The following ADAM23 variants were observed in gnomAD, a reference collection of about 807,000 sequenced individuals.
ADAM23 encodes the protein ADAM metallopeptidase domain 23, also known as disintegrin and metalloproteinase domain-containing protein 23.
ADAM23 carries 33 observed loss-of-function variants against 120.1 expected under a neutral mutation model. That is an observed-to-expected ratio of 0.27 (90% CI 0.21 to 0.37). The LOEUF is 0.37. Ranked by LOEUF, ADAM23 falls within the 10% of genes least tolerant of loss-of-function variation. ADAM23 has a pLI of 1.00. For synonymous variants in ADAM23, 367 were observed against 375.2 expected (o/e 0.98, Z 0.25); for missense variants, 862 against 1,058.2 (o/e 0.81, Z 2.57).
intron 2 of ADAM23, among the ~76,000 whole-genome samples, chr2:206,465,107 G>A (rs967479944): frequency 3.3e-5 from 5 of 152,220 alleles, no homozygotes; most frequent in Non-Finnish European, 5.9e-5. Flanking sequence ...GTGCAGTGGT[G>A]TGATCGTTGC....
chr2:206,552,026 GT>G (rs1325295639), intron 9 of ADAM23, among the ~76,000 whole-genome samples: 1 of 151,972 alleles, frequency 6.6e-6, no homozygotes, highest in Non-Finnish European at 1.5e-5. Context: ...CCCCAAGATA[GT>G]TTTTTTATCT....
chr2:206,475,113 A>G (rs145513715), intron 2 of ADAM23, among the ~76,000 whole-genome samples: 8 of 152,304 alleles, frequency 5.3e-5, no homozygotes, highest in African/African-American at 1.9e-4. Context: ...TTTCTTTTCT[A>G]TAAAAGGGTA....
intron 3 of ADAM23, among the ~76,000 whole-genome samples, chr2:206,483,170 A>C (rs1162053376): frequency 6.6e-6 from 1 of 152,216 alleles, no homozygotes; most frequent in Admixed American, 6.5e-5. Context: ...TCTGCAGTTG[A>C]TAAAAATTAT....
Position 206,562,238 on chromosome 2 carries a change from G to A in ADAM23, c.1290G>A (p.Ser430=), listed in dbSNP as rs200321551. The A allele has an allele frequency of 5.6e-6, 9 of 1,613,886 alleles. No individual in the cohort carries two copies. Among genetic ancestry groups the A allele is most frequent in the Admixed American group, 3.3e-5 (2 of 60,010 alleles). Residue 430 remains serine (S), a synonymous_variant, in exon 13 of 26, where the codon TCG becomes TCA. Transcript: ENST00000264377. The stretch of plus-strand genomic sequence containing the variant: ...CAATGGCAGTGGCACAAGTATTATC[G>A]CAGAGCCTGGCTCAAAACCTTGGAA... ...GLPMAVAQVL[S]QSLAQNLGIQ...
intron 2 of ADAM23, among the ~76,000 whole-genome samples, chr2:206,458,247 G>A (rs1401574329): frequency 6.6e-6 from 1 of 152,264 alleles, no homozygotes; most frequent in Non-Finnish European, 1.5e-5. Context: ...CTGGCATACA[G>A]GAGGTACATG....
intron 13 of ADAM23, among the ~76,000 whole-genome samples, chr2:206,562,728 CTA>C (rs1183566390): frequency 3.3e-5 from 5 of 152,180 alleles, no homozygotes; most frequent in Admixed American, 6.5e-5. Context: ...ATTTACCCAC[CTA>C]GTCTCATCAG....
chr2:206,595,545 A>G (rs1698508154), intron 23 of ADAM23, among the ~76,000 whole-genome samples: 1 of 152,042 alleles, frequency 6.6e-6, no homozygotes, highest in African/African-American at 2.4e-5. Flanking sequence ...TTGGTGTTGG[A>G]CGTGGTAACG....
In ADAM23 at chr2:206,569,700, A is replaced by G. The variant is rs146752051; in HGVS notation, c.1495-1040A>G. Among the ~76,000 whole-genome samples, 538 of 152,228 alleles carry G rather than the reference A, an allele frequency of 3.5e-3. 5 individuals carry two copies. The highest frequency in any genetic ancestry group is 0.012 in the African/African-American group (508 of 41,546). ...TCTCCTGCCTCCTGATCAAAATAAC[A>G]CAGAGATGTGCAATGCTGATTTTGC... On this transcript the variant is annotated intron_variant, in intron 15 of 25. Transcript: ENST00000264377.
chr2:206,521,169 C>T (rs1696835897), intron 3 of ADAM23, among the ~76,000 whole-genome samples: 2 of 152,146 alleles, frequency 1.3e-5, no homozygotes, highest in African/African-American at 4.8e-5. Context: ...AGGCTAACTG[C>T]TGCCTTGGCT....
chr2:206,504,127 A>G (rs1318430174), intron 3 of ADAM23, among the ~76,000 whole-genome samples: 2 of 152,100 alleles, frequency 1.3e-5, no homozygotes, highest in Non-Finnish European at 2.9e-5. Flanking sequence ...CTATTTCTTG[A>G]TATAATCTTT....
At chr2:206,519,286 CTGAT>C (rs1166917367) in intron 3 of ADAM23, among the ~76,000 whole-genome samples, 1 of 152,146 alleles carries the variant, frequency 6.6e-6, no homozygotes, top group Non-Finnish European at 1.5e-5. Flanking sequence ...CTACAAATGA[CTGAT>C]AGTTTTTCCA....
chr2:206,444,202 G>T (rs1350794918), intron 1 of ADAM23, 122 bp downstream of exon 1: 2 of 731,560 alleles, frequency 2.7e-6, no homozygotes, highest in Admixed American at 4.4e-5. Flanking sequence ...TTCCCTCCCT[G>T]CCTGTCTTTC....
chr2:206,573,274 A>T, intron 18 of ADAM23, 79 bp downstream of exon 18: 1 of 1,368,646 alleles, frequency 7.3e-7, no homozygotes, highest in Non-Finnish European at 1.0e-6. Flanking sequence ...TGGGGCCAGA[A>T]GTGTTTCAGA....
At chr2:206,608,009 G>A in intron 24 of ADAM23, 1 of 438,412 alleles carries the variant, frequency 2.3e-6, no homozygotes, top group Non-Finnish European at 4.6e-6. Context: ...CATAGAGTAT[G>A]TACATGGTTA....
chr2:206,573,003 G>A, intron 17 of ADAM23, 112 bp from the exon 18 acceptor site: 1 of 1,048,174 alleles, frequency 9.5e-7, no homozygotes, highest in Non-Finnish European at 1.5e-6. Context: ...CTTAAAAAGA[G>A]TTTGGTGTTA....
At chr2:206,611,413 G>A (rs1224268937) in intron 25 of ADAM23, among the ~76,000 whole-genome samples, 1 of 151,294 alleles carries the variant, frequency 6.6e-6, no homozygotes, top group African/African-American at 2.4e-5. Context: ...TTTCGTTTGG[G>A]CGGACCTAAT....
intron 24 of ADAM23, chr2:206,606,348 GT>G (rs1698728376): frequency 6.6e-6 from 1 of 152,200 alleles, no homozygotes; most frequent in South Asian, 2.1e-4. Flanking sequence ...AGCTACTAAT[GT>G]TTTCTTCATT....
chr2:206,486,499 G>T (rs990505849), intron 3 of ADAM23, among the ~76,000 whole-genome samples: 3 of 152,066 alleles, frequency 2.0e-5, no homozygotes, highest in Non-Finnish European at 4.4e-5. Flanking sequence ...TCTCTTCTCT[G>T]TGTGTGATCA....
chr2:206,533,540 A>G (rs919870280), intron 4 of ADAM23, among the ~76,000 whole-genome samples: 1 of 152,204 alleles, frequency 6.6e-6, no homozygotes, highest in African/African-American at 2.4e-5. Context: ...GTACATGCAC[A>G]CATTGTACAC....
Sources: gnomAD v4.1 joint callset for allele counts (sites outside exome capture counted in the v4.1 genomes callset) on GRCh38, gnomAD v4.1.1 for gene constraint, MANE v1.5 for transcripts, NCBI Gene and HGNC (gene_info 2026-07-23, HGNC 2026-07-21) for gene names.